The following RAP1GAP2 variants were observed in gnomAD, a reference collection of about 807,000 sequenced individuals.
RAP1GAP2 encodes RAP1 GTPase activating protein 2.
Under a neutral mutation model 95.0 loss-of-function variants are expected in RAP1GAP2, and 27 were observed. That is an observed-to-expected ratio of 0.28 (90% CI 0.21 to 0.39). RAP1GAP2 has a LOEUF of 0.39. RAP1GAP2 is among the 10% of genes least tolerant of loss of function. RAP1GAP2 has a pLI of 1.00. For synonymous variants in RAP1GAP2, 373 were observed against 380.9 expected (o/e 0.98, Z 0.24); for missense variants, 771 against 970.0 (o/e 0.79, Z 2.72).
chr17:2,804,620 C>T (rs1252323039), intron 2 of RAP1GAP2, among the ~76,000 whole-genome samples: 1 of 152,246 alleles, frequency 6.6e-6, no homozygotes, highest in Non-Finnish European at 1.5e-5. Context: ...GAGAAGGCCG[C>T]CCCTGGTTTG....
intron 3 of RAP1GAP2, among the ~76,000 whole-genome samples, chr17:2,924,842 C>T (rs997906792): frequency 2.0e-5 from 3 of 152,212 alleles, no homozygotes; most frequent in African/African-American, 7.2e-5. Context: ...TTGAGACCTT[C>T]GCCAGATGAC....
intron 4 of RAP1GAP2, among the ~76,000 whole-genome samples, chr17:2,961,070 A>G (rs1024785705): frequency 5.3e-5 from 8 of 150,860 alleles, no homozygotes; most frequent in African/African-American, 2.0e-4. Context: ...GCAAAAAACT[A>G]GCTGGGCATG....
intron 1 of RAP1GAP2, among the ~76,000 whole-genome samples, chr17:2,779,302 A>C (rs1400550541): frequency 6.6e-6 from 1 of 152,254 alleles, no homozygotes; most frequent in East Asian, 1.9e-4. Flanking sequence ...ATTTTTGAAC[A>C]TGGTGATGGC....
At position 2,870,169 on chromosome 17, in the gene RAP1GAP2, A is replaced by C. The variant is rs529124149; in HGVS notation, c.81-35115A>C. ...GTCTCGCACTGTCACCCGGGCTGGA[A>C]TGCAATGGTGCAATCTCGGCTCACT... On this transcript the variant is annotated intron_variant, in intron 2 of 24. Coordinates refer to ENST00000254695, the MANE Select transcript of RAP1GAP2 (RefSeq NM_015085.5). This position sits in a 1 kb window ranked among gnomAD's most constrained non-coding sequence, Gnocchi z 4.4. Among the ~76,000 whole-genome samples the C allele has an allele frequency of 3.3e-5, 5 of 151,350 alleles. No homozygotes were observed. Among genetic ancestry groups the C allele is most frequent in the African/African-American group, 1.2e-4 (5 of 41,220 alleles).
intron 3 of RAP1GAP2, among the ~76,000 whole-genome samples, chr17:2,939,688 C>A (rs996816173): frequency 6.6e-6 from 1 of 152,166 alleles, no homozygotes; most frequent in African/African-American, 2.4e-5. Context: ...TCACTCAGGG[C>A]AGGGATGGAG....
At chr17:2,909,321 C>T (rs971950059) in intron 3 of RAP1GAP2, among the ~76,000 whole-genome samples, 8 of 152,038 alleles carry the variant, frequency 5.3e-5, no homozygotes, top group Non-Finnish European at 7.4e-5. Flanking sequence ...CACTGGGCTC[C>T]GCGGCCTGGC....
chr17:2,768,827 A>G (rs1013893074), intron 1 of RAP1GAP2, among the ~76,000 whole-genome samples: 1 of 151,854 alleles, frequency 6.6e-6, no homozygotes, highest in African/African-American at 2.4e-5. Flanking sequence ...ATCCTTCCAT[A>G]GAACAGCTGG....
intron 8 of RAP1GAP2, among the ~76,000 whole-genome samples, chr17:2,968,238 A>C (rs1382478928): frequency 6.6e-6 from 1 of 152,192 alleles, no homozygotes; most frequent in African/African-American, 2.4e-5. Flanking sequence ...GGGAGATAAT[A>C]AAATAAAAAT....
intron 3 of RAP1GAP2, among the ~76,000 whole-genome samples, chr17:2,926,847 A>C (rs879734580): frequency 2.5e-4 from 38 of 151,794 alleles, no homozygotes; most frequent in Non-Finnish European, 4.4e-4. Context: ...TCTACTAAAA[A>C]TACAAAAAAT....
At chr17:2,799,553 G>A (rs978605938) in intron 1 of RAP1GAP2, among the ~76,000 whole-genome samples, 1 of 152,166 alleles carries the variant, frequency 6.6e-6, no homozygotes, top group Non-Finnish European at 1.5e-5. Flanking sequence ...AGAGCCTCCA[G>A]GGTCTCCAGC....
intron 3 of RAP1GAP2, among the ~76,000 whole-genome samples, chr17:2,911,979 C>G (rs987461112): frequency 6.6e-6 from 1 of 152,186 alleles, no homozygotes; most frequent in East Asian, 1.9e-4. Context: ...CCTCTTTGTG[C>G]AAGTCTGAGG....
At chr17:2,947,367 G>A (rs1463223645) in intron 3 of RAP1GAP2, among the ~76,000 whole-genome samples, 1 of 152,098 alleles carries the variant, frequency 6.6e-6, no homozygotes, top group Non-Finnish European at 1.5e-5. Flanking sequence ...GGTGAGGGGT[G>A]CAGTCTGTGG....
chr17:2,786,340 G>A (rs906218392), intron 1 of RAP1GAP2, among the ~76,000 whole-genome samples: 32 of 152,350 alleles, frequency 2.1e-4, no homozygotes, highest in African/African-American at 6.0e-4. Context: ...TTTGCAGGAG[G>A]AGGATTTCCC....
At chr17:2,961,542 A>AAAT (rs2044325976) in intron 4 of RAP1GAP2, among the ~76,000 whole-genome samples, 1 of 151,752 alleles carries the variant, frequency 6.6e-6, no homozygotes, top group Admixed American at 6.6e-5. Context: ...AACAAACAAA[A>AAAT]CTGTTGGACA....
At chr17:3,023,814 C>T (rs765570484) in intron 19 of RAP1GAP2, among the ~76,000 whole-genome samples, 14 of 151,620 alleles carry the variant, frequency 9.2e-5, no homozygotes, top group Non-Finnish European at 1.8e-4. Flanking sequence ...TTACCCCCAA[C>T]CCCCCGACAG....
chr17:2,810,593 C>A (rs60958330), intron 2 of RAP1GAP2, among the ~76,000 whole-genome samples: 29,047 of 130,610 alleles, frequency 0.22, 3,953 homozygotes, highest in African/African-American at 0.42. Context: ...TGCAATGGTA[C>A]GATCTTGGCT....
At position 2,827,505 on chromosome 17, in the gene RAP1GAP2, C is replaced by G. The variant is rs774131929; in HGVS notation, c.80+26955C>G. Among the ~76,000 whole-genome samples the G allele has an allele frequency of 4.6e-5, 7 of 152,118 alleles. No homozygotes were observed. Among genetic ancestry groups the G allele is most frequent in the Non-Finnish European group, 1.0e-4 (7 of 68,026 alleles). On this transcript the variant is annotated intron_variant, in intron 2 of 24. Transcript: ENST00000254695. This position sits in a 1 kb window ranked among gnomAD's most constrained non-coding sequence, Gnocchi z 4.1. The stretch of plus-strand genomic sequence containing the variant: ...CTGGGTGGGTGGTCAGGAAGAGCCT[C>G]TCCATAGAAGGGACATTTGAGGCCT...
intron 2 of RAP1GAP2, among the ~76,000 whole-genome samples, chr17:2,876,886 C>CTT (rs34517318): frequency 0.018 from 2,334 of 127,486 alleles, 28 homozygotes; most frequent in South Asian, 0.031. Context: ...GGTTTACGTT[C>CTT]TTTTTTTTTT....
Position 2,965,936 on chromosome 17 carries a change from C to T in RAP1GAP2, c.596+293C>T, listed in dbSNP as rs550750141. 1.9e-4 allele frequency: 74 copies of T among 398,430 alleles called. No individual in the cohort carries two copies. Among genetic ancestry groups the T allele is most frequent in the African/African-American group, 1.2e-3 (58 of 50,044 alleles). The allele number at this position is 398,430 out of a possible 1,614,324, so 24.7% of individuals were successfully genotyped here. A position where few individuals can be genotyped will look rare whatever the true frequency, so the allele number is the denominator to read the frequency against. On this transcript the variant is annotated intron_variant, in intron 8 of 24. Transcript: ENST00000254695. The surrounding 1 kb of genome is among the most constrained non-coding windows in gnomAD (Gnocchi z 4.7). Reference sequence around the variant, plus strand: ...TACAAGTCCATGGCTCTGAGGAAGACGGGAAGAAAAGTAGGGATGGTTCAG... The same window carrying T: ...TACAAGTCCATGGCTCTGAGGAAGATGGGAAGAAAAGTAGGGATGGTTCAG...
Sources: allele counts gnomAD v4.1 joint callset (sites outside exome capture counted in the v4.1 genomes callset), GRCh38; gene constraint gnomAD v4.1.1; non-coding constraint Gnocchi (gnomAD v3.1); transcripts MANE v1.5; gene names NCBI Gene and HGNC (gene_info 2026-07-23, HGNC 2026-07-21).